The following VCF1 variants were observed in gnomAD, a reference collection of about 807,000 sequenced individuals.
VCF1 encodes the protein protein VCF1.
the VCF1 span, among the ~76,000 whole-genome samples, chr17:73,216,950 C>G: frequency 6.6e-6 from 1 of 152,214 alleles, no homozygotes; most frequent in Non-Finnish European, 1.5e-5. Context: ...CCACCTCAGA[C>G]AGAAATATTA....
At chr17:73,227,666 T>G in the VCF1 span, 1 of 986,224 alleles carries the variant, frequency 1.0e-6, no homozygotes, top group African/African-American at 1.7e-5. Flanking sequence ...ATGACAACAT[T>G]TGATATAAGA....
the VCF1 span, chr17:73,212,868 CAGATT>C: frequency 8.8e-6 from 5 of 566,334 alleles, no homozygotes; most frequent in African/African-American, 9.8e-5. Flanking sequence ...GTTCTTTAAA[CAGATT>C]AGGGAAGATT....
the VCF1 span, chr17:73,207,578 G>T: frequency 1.3e-6 from 1 of 784,940 alleles, no homozygotes; most frequent in Non-Finnish European, 1.9e-6. Flanking sequence ...GTACTTGTTT[G>T]GAGAAAATCT....
At chr17:73,212,727 A>G in the VCF1 span, 2 of 1,589,598 alleles carry the variant, frequency 1.3e-6, no homozygotes, top group Non-Finnish European at 1.7e-6. Context: ...ACTGTTTCTC[A>G]TTACAGGTAC....
chr17:73,208,329 C>A, the VCF1 span: 1 of 1,613,954 alleles, frequency 6.2e-7, no homozygotes, highest in African/African-American at 1.3e-5. Context: ...CCCCCCGGCA[C>A]GCTCCACAGC....
the VCF1 span, among the ~76,000 whole-genome samples, chr17:73,210,757 A>AATT: frequency 7.4e-5 from 10 of 135,114 alleles, 4 homozygotes; most frequent in Non-Finnish European, 1.4e-4. Context: ...ATGCCTCGTT[A>AATT]TTTTTTTTTT....
the VCF1 span, among the ~76,000 whole-genome samples, chr17:73,224,825 C>G: frequency 7.7e-6 from 1 of 130,038 alleles, no homozygotes; most frequent in East Asian, 2.3e-4. Flanking sequence ...CACAGCGCAG[C>G]ACAGCACAGC....
the VCF1 span, among the ~76,000 whole-genome samples, chr17:73,223,318 A>G: frequency 1.3e-5 from 2 of 152,206 alleles, no homozygotes. Context: ...ACTCCCTCTC[A>G]AAAAACAATA....
chr17:73,220,093 T>G, the VCF1 span, among the ~76,000 whole-genome samples: 1 of 152,182 alleles, frequency 6.6e-6, no homozygotes, highest in Non-Finnish European at 1.5e-5. Flanking sequence ...GTCTGTCTCT[T>G]AGAATGTATT....
At chr17:73,216,305 A>C in the VCF1 span, among the ~76,000 whole-genome samples, 2 of 152,180 alleles carry the variant, frequency 1.3e-5, no homozygotes. Flanking sequence ...GAGCATCAGG[A>C]CAGTGCTGGG....
the VCF1 span, chr17:73,232,041 C>T: frequency 6.5e-7 from 1 of 1,534,390 alleles, no homozygotes; most frequent in Non-Finnish European, 8.8e-7. Context: ...CTCTATCTCC[C>T]AGATCCTCAG....
chr17:73,228,934 G>A, the VCF1 span, among the ~76,000 whole-genome samples: 6 of 152,114 alleles, frequency 3.9e-5, no homozygotes, highest in Admixed American at 3.3e-4. Flanking sequence ...ACTGGGCTTT[G>A]GGCTGCTGAG....
the VCF1 span, chr17:73,209,248 A>T: frequency 1.9e-6 from 1 of 520,456 alleles, no homozygotes; most frequent in South Asian, 2.2e-5. Flanking sequence ...TATGGATTCA[A>T]CACACAGAAT....
chr17:73,213,245 G>GAAA, the VCF1 span, among the ~76,000 whole-genome samples: 3 of 145,570 alleles, frequency 2.1e-5, no homozygotes, highest in Non-Finnish European at 3.0e-5. Context: ...TGTCTCAAAA[G>GAAA]AAAAAAAAAA....
the VCF1 span, among the ~76,000 whole-genome samples, chr17:73,220,884 T>C: frequency 3.3e-5 from 5 of 149,626 alleles, no homozygotes; most frequent in South Asian, 2.1e-4. Flanking sequence ...TTGCTTTTTT[T>C]TTAATTTAGA....
chr17:73,209,845 C>A, the VCF1 span: 4 of 1,516,312 alleles, frequency 2.6e-6, no homozygotes, highest in South Asian at 2.5e-5. Context: ...TCATGTACAG[C>A]GCTCTATTAA....
the VCF1 span, chr17:73,227,354 T>C: frequency 9.0e-7 from 1 of 1,115,038 alleles, no homozygotes; most frequent in South Asian, 1.7e-5. Context: ...ACATATAAAT[T>C]TGCCCTCTGG....
the VCF1 span, among the ~76,000 whole-genome samples, chr17:73,213,895 G>A: frequency 6.6e-6 from 1 of 152,144 alleles, no homozygotes; most frequent in Admixed American, 6.5e-5. Context: ...GCTTGAACCT[G>A]GGAGGCAGAG....
the VCF1 span, among the ~76,000 whole-genome samples, chr17:73,226,343 T>C: frequency 6.6e-6 from 1 of 152,262 alleles, no homozygotes; most frequent in Non-Finnish European, 1.5e-5. Context: ...GGAGTTACTT[T>C]GAATTGCTGG....
Sources: allele counts gnomAD v4.1 joint callset (sites outside exome capture counted in the v4.1 genomes callset), GRCh38; gene constraint gnomAD v4.1.1; transcripts MANE v1.5; gene names NCBI Gene and HGNC (gene_info 2026-07-23, HGNC 2026-07-21).